RPTOR: variants seen among roughly 807,000 people sequenced by gnomAD.
RPTOR encodes the protein regulatory associated protein of MTOR complex 1.
Under a neutral mutation model 169.9 loss-of-function variants are expected in RPTOR, and 21 were observed. The observed-to-expected ratio is 0.12, with a 90% CI of 0.09 to 0.18. The LOEUF (loss-of-function observed/expected upper bound fraction) is 0.18. RPTOR is among the 10% of genes least tolerant of loss of function. RPTOR has a pLI of 1.00. For synonymous variants in RPTOR, 732 were observed against 753.2 expected (o/e 0.97, Z 0.46); for missense variants, 1,133 against 1,855.9 (o/e 0.61, Z 7.16).
At chr17:80,742,360 C>T (rs1334079591) in intron 5 of RPTOR, among the ~76,000 whole-genome samples, 1 of 151,934 alleles carries the variant, frequency 6.6e-6, no homozygotes, top group Non-Finnish European at 1.5e-5. Flanking sequence ...GTGGTCATTC[C>T]AGAAGGGGAT....
At chr17:80,742,464 C>T (rs570756450) in intron 5 of RPTOR, among the ~76,000 whole-genome samples, 13 of 148,436 alleles carry the variant, frequency 8.8e-5, no homozygotes, top group African/African-American at 2.2e-4. Flanking sequence ...CACACACACA[C>T]GTATATAAGC....
chr17:80,681,484 C>T lies in RPTOR; in HGVS notation c.349-26357C>T, dbSNP rs561335588. On this transcript the variant is annotated intron_variant, in intron 3 of 33. Transcript: ENST00000306801. ...GCACCTCGCGCTGTGGGTGAGTTCT[C>T]GAGTGCTGCGGGGAGTGTAGGGAAG... 3.3e-5 allele frequency among the ~76,000 whole-genome samples: 5 copies of T among 152,292 alleles called. No individual in the cohort carries two copies. The East Asian group carries it at 5.8e-4, about 18-fold the overall frequency.
rs2066149695 is a variant in RPTOR at position 80,707,385 on chromosome 17, G to A, written c.349-456G>A. Among the ~76,000 whole-genome samples, 1 of 152,108 alleles carries A rather than the reference G, an allele frequency of 6.6e-6. No homozygotes were observed. The highest frequency in any genetic ancestry group is 1.5e-5 in the Non-Finnish European group (1 of 68,020). ...ATGAATATTTATAACCATCATGTGT[G>A]GCAGTTCTTATGTAGTGTTTTGATT... On this transcript the variant is annotated intron_variant, in intron 3 of 33. Coordinates refer to ENST00000306801, the MANE Select transcript of RPTOR (RefSeq NM_020761.3). This position sits in a 1 kb window ranked among gnomAD's most constrained non-coding sequence, Gnocchi z 5.0.
chr17:80,883,339 C>T (rs1286606007), intron 14 of RPTOR, 80 bp from the exon 15 acceptor site: 21 of 1,287,762 alleles, frequency 1.6e-5, no homozygotes, highest in Non-Finnish European at 1.9e-5. Flanking sequence ...ATGAAGATTC[C>T]GAAAGGATCA....
chr17:80,684,537 C>T (rs1042024514), intron 3 of RPTOR, among the ~76,000 whole-genome samples: 4 of 151,236 alleles, frequency 2.6e-5, no homozygotes, highest in Admixed American at 6.6e-5. Context: ...CTCCTCCTCC[C>T]GGGTTCACGC....
intron 5 of RPTOR, among the ~76,000 whole-genome samples, chr17:80,736,798 C>G (rs1035987052): frequency 5.3e-5 from 8 of 152,172 alleles, no homozygotes; most frequent in African/African-American, 1.9e-4. Context: ...TTCTTAATCA[C>G]TGTTTCCTAA....
At chr17:80,760,114 C>T (rs1465848826) in intron 6 of RPTOR, among the ~76,000 whole-genome samples, 2 of 151,896 alleles carry the variant, frequency 1.3e-5, no homozygotes, top group Non-Finnish European at 1.5e-5. Context: ...CAGGAGTATG[C>T]GGGTGGGAAG....
At chr17:80,839,412 T>TA (rs1297331713) in intron 10 of RPTOR, among the ~76,000 whole-genome samples, 2 of 152,240 alleles carry the variant, frequency 1.3e-5, no homozygotes, top group Non-Finnish European at 2.9e-5. Context: ...CACTTACTTC[T>TA]ACCCCATCTT....
chr17:80,893,985 A>G, intron 20 of RPTOR, 120 bp downstream of exon 20: 6 of 1,079,046 alleles, frequency 5.6e-6, no homozygotes, highest in Non-Finnish European at 6.4e-6. Flanking sequence ...GTTCAAAAGA[A>G]AGAATAAAGG....
chr17:80,635,090 C>G (rs1027414115), intron 2 of RPTOR, among the ~76,000 whole-genome samples: 1 of 152,154 alleles, frequency 6.6e-6, no homozygotes, highest in Non-Finnish European at 1.5e-5. Flanking sequence ...TATCCTTTGT[C>G]CTTATTGTAT....
At chr17:80,667,272 A>G (rs921846965) in intron 3 of RPTOR, among the ~76,000 whole-genome samples, 3 of 152,168 alleles carry the variant, frequency 2.0e-5, no homozygotes, top group Non-Finnish European at 4.4e-5. Context: ...GGGAAGCTCC[A>G]TAGAGGTGGT....
chr17:80,629,614 T>C (rs1488255890), intron 2 of RPTOR, among the ~76,000 whole-genome samples: 1 of 151,340 alleles, frequency 6.6e-6, no homozygotes, highest in African/African-American at 2.4e-5. Flanking sequence ...GCTCTCTATG[T>C]ATTGCGTTGT....
intron 10 of RPTOR, among the ~76,000 whole-genome samples, chr17:80,839,966 G>T (rs926875460): frequency 1.3e-5 from 2 of 152,166 alleles, no homozygotes; most frequent in African/African-American, 4.8e-5. Context: ...GGGGTGTCAG[G>T]ACAAGCCGGG....
chr17:80,932,159 ATATATACACCT>A (rs2068906028), intron 24 of RPTOR, among the ~76,000 whole-genome samples: 1 of 151,142 alleles, frequency 6.6e-6, no homozygotes. Context: ...ATATATATAT[ATATATACACCT>A]TAGTCTCTGC....
chr17:80,926,428 G>A lies in RPTOR; in HGVS notation c.2919+948G>A, dbSNP rs199584059. ...AGCGTCTTGCCGGGAAGCATCAAAC[G>A]CCTTAAATAGCCGTTCCCTTTGACC... On this transcript the variant is annotated intron_variant, in intron 24 of 33. Transcript: ENST00000306801. Among the ~76,000 whole-genome samples, 34 of 152,314 alleles carry A rather than the reference G, an allele frequency of 2.2e-4. No homozygotes were observed. In the East Asian group the frequency reaches 5.2e-3, roughly 23 times the overall value.
chr17:80,862,420 C>G lies in RPTOR; in HGVS notation c.1509+4520C>G, dbSNP rs372661854. Among the ~76,000 whole-genome samples, 17 of 152,232 alleles carry G rather than the reference C, an allele frequency of 1.1e-4. No individual in the cohort carries two copies. The East Asian group carries it at 3.1e-3, about 28-fold the overall frequency. ...AGGGGTCATTCCTCTACTCCCTTCC[C>G]CTCCCCACGTCTGGCCATGGATGTT... On this transcript the variant is annotated intron_variant, in intron 13 of 33. Transcript: ENST00000306801.
Position 80,957,487 on chromosome 17 carries a change from A to G in RPTOR, c.3371-137A>G, listed in dbSNP as rs1478580482. On this transcript the variant is annotated intron_variant, in intron 28 of 33. Coordinates refer to ENST00000306801, the MANE Select transcript of RPTOR (RefSeq NM_020761.3). The surrounding 1 kb of genome is among the most constrained non-coding windows in gnomAD (Gnocchi z 4.6). ...CCTAGCGGGAGCTCATATGAGGCAT[A>G]TGGACCCACCAGATGGGCTCGATGG... The G allele has an allele frequency of 2.6e-6, 2 of 765,958 alleles. No homozygotes were observed. The highest frequency in any genetic ancestry group is 3.4e-5 in the African/African-American group (2 of 58,642). 47.4% of individuals were successfully genotyped at this position (765,958 alleles called of 1,614,324 possible).
At chr17:80,585,484 G>T (rs776104182) in intron 1 of RPTOR, among the ~76,000 whole-genome samples, 1 of 151,942 alleles carries the variant, frequency 6.6e-6, no homozygotes, top group Non-Finnish European at 1.5e-5. Context: ...GATTACAGGC[G>T]TGAGCCACCG....
At chr17:80,787,870 T>C (rs1315120100) in intron 6 of RPTOR, among the ~76,000 whole-genome samples, 1 of 152,246 alleles carries the variant, frequency 6.6e-6, no homozygotes, top group Non-Finnish European at 1.5e-5. Flanking sequence ...TGTGGATTTA[T>C]ATCTAGGTTT....
Sources: gnomAD v4.1 joint callset for allele counts (sites outside exome capture counted in the v4.1 genomes callset) on GRCh38, gnomAD v4.1.1 for gene constraint, Gnocchi (gnomAD v3.1) non-coding constraint, MANE v1.5 for transcripts, NCBI Gene and HGNC (gene_info 2026-07-23, HGNC 2026-07-21) for gene names.